Variants in EDA observed in about 807,000 individuals in gnomAD.
The protein encoded by EDA is ectodysplasin-A.
EDA carries 2 observed loss-of-function variants against 23.6 expected under a neutral mutation model. The ratio of observed to expected loss-of-function variants is 0.08; its 90% CI spans 0.03 to 0.27. The LOEUF (loss-of-function observed/expected upper bound fraction) is 0.27. Ranked by LOEUF, EDA falls within the 10% of genes least tolerant of loss-of-function variation. The probability of loss-of-function intolerance (pLI) is 1.00; values close to 1 mark genes in which losing one functional copy is unlikely to be tolerated. For synonymous variants in EDA, 131 were observed against 132.0 expected (o/e 0.99, Z 0.05); for missense variants, 229 against 324.2 (o/e 0.71, Z 2.26).
At chrX:69,934,897 TTCTA>T (rs1238814824) in intron 1 of EDA, among the ~76,000 whole-genome samples, 2 of 111,558 alleles carry the variant, frequency 1.8e-5, no homozygotes, top group African/African-American at 6.5e-5. Flanking sequence ...ATCTTATTCA[TTCTA>T]TCTAACTATA....
chrX:70,004,852 A>G (rs1441956173), intron 2 of EDA, among the ~76,000 whole-genome samples: 2 of 112,300 alleles, frequency 1.8e-5, no homozygotes, highest in Non-Finnish European at 3.8e-5. Context: ...AATCCCAGAG[A>G]GGCCAACGAA....
At chrX:69,735,246 G>A (rs765975649) in intron 1 of EDA, among the ~76,000 whole-genome samples, 39 of 108,142 alleles carry the variant, frequency 3.6e-4, no homozygotes, top group Admixed American at 5.9e-4. Context: ...TTTTGTATGT[G>A]TATATACACA....
rs1934392512 is a variant in EDA at position 69,682,365 on chromosome X, G to T, written c.396+65661G>T. 3.5e-5 allele frequency among the ~76,000 whole-genome samples: 4 copies of T among 112,748 alleles called. No homozygotes were observed. In the Admixed American group the frequency reaches 3.7e-4, roughly 10 times the overall value. ...GGGCTCCACCCAGTTGGAGCTTCCA[G>T]TCTGCTTTGTTCACCTAAGCAAGCC... is the stretch of plus-strand genomic sequence containing the variant. On this transcript the variant is annotated intron_variant, in intron 1 of 7. Coordinates refer to ENST00000374552, the MANE Select transcript of EDA (RefSeq NM_001399.5).
intron 1 of EDA, among the ~76,000 whole-genome samples, chrX:69,697,841 C>CT (rs1401353901): frequency 7.1e-5 from 8 of 112,111 alleles, no homozygotes; most frequent in Non-Finnish European, 9.4e-5. Flanking sequence ...TCTAGAACTG[C>CT]TTTTTTGTTA....
intron 1 of EDA, among the ~76,000 whole-genome samples, chrX:69,785,002 C>T (rs1217908356): frequency 9.2e-6 from 1 of 109,201 alleles, no homozygotes; most frequent in East Asian, 2.8e-4. Flanking sequence ...TGAAGAGGTC[C>T]TTCACATCCC....
intron 2 of EDA, among the ~76,000 whole-genome samples, chrX:69,998,291 G>A (rs2019690471): frequency 8.9e-6 from 1 of 112,486 alleles, no homozygotes; most frequent in African/African-American, 3.2e-5. Context: ...GATCATTTCG[G>A]TACTTTAAGA....
intron 1 of EDA, among the ~76,000 whole-genome samples, chrX:69,821,411 A>G (rs1424153607): frequency 9.0e-6 from 1 of 111,560 alleles, no homozygotes; most frequent in Non-Finnish European, 1.9e-5. Flanking sequence ...ATAAAAGCTG[A>G]AGAAAAAAAA....
intron 1 of EDA, among the ~76,000 whole-genome samples, chrX:69,750,765 A>G (rs951308265): frequency 1.8e-5 from 2 of 111,968 alleles, no homozygotes; most frequent in East Asian, 2.8e-4. Context: ...GCATTTCTCT[A>G]ATGGCCAGTG....
chrX:69,616,840 CA>C, intron 1 of EDA, 136 bp downstream of exon 1: 2 of 889,831 alleles, frequency 2.2e-6, no homozygotes, highest in Non-Finnish European at 1.6e-6. Context: ...ACCAGGCGAG[CA>C]AGGGAGAAGT....
rs760743681 is a variant in EDA, at chrX:69,782,733, TA to T, written c.396+166034del. Among the ~76,000 whole-genome samples the T allele has an allele frequency of 1.6e-4, 18 of 111,927 alleles. 1 individual carries two copies. The South Asian group carries it at 6.7e-3, about 42-fold the overall frequency. On this transcript the variant is annotated intron_variant, in intron 1 of 7. Coordinates refer to ENST00000374552, the MANE Select transcript of EDA (RefSeq NM_001399.5). ...GGCTTCTCTGTTGTAAATTAACTGG[TA>T]AAAAGATCTTTGAAGCCAACCAAGG...
At chrX:69,626,056 A>G (rs892833657) in intron 1 of EDA, among the ~76,000 whole-genome samples, 2 of 111,749 alleles carry the variant, frequency 1.8e-5, no homozygotes, top group African/African-American at 6.5e-5. Flanking sequence ...AAATAAATAC[A>G]TGAAAACATG....
intron 1 of EDA, among the ~76,000 whole-genome samples, chrX:69,684,183 A>T (rs189137995): frequency 4.5e-5 from 5 of 112,131 alleles, no homozygotes; most frequent in African/African-American, 1.6e-4. Flanking sequence ...TTTAATCATG[A>T]TTATCATATT....
In EDA at chrX:69,860,726, G is replaced by A. The variant is rs2017364803; in HGVS notation, c.397-96301G>A. 7 of 501,534 alleles carry A rather than the reference G, an allele frequency of 1.4e-5. No individual in the cohort carries two copies. In the South Asian group the frequency reaches 1.8e-4, roughly 13 times the overall value. 41.3% of individuals were successfully genotyped at this position (501,534 alleles called of 1,213,427 possible). Reference sequence around the variant, plus strand: ...GTCTTGGGGTCGACCTTCTCAAAGAGTATCTTCTTGGGGTTCTCTGCATTT... The same window carrying A: ...GTCTTGGGGTCGACCTTCTCAAAGAATATCTTCTTGGGGTTCTCTGCATTT... On this transcript the variant is annotated intron_variant, in intron 1 of 7. Coordinates refer to ENST00000374552, the MANE Select transcript of EDA (RefSeq NM_001399.5).
intron 1 of EDA, among the ~76,000 whole-genome samples, chrX:69,722,635 C>G (rs1434946731): frequency 9.0e-6 from 1 of 111,314 alleles, no homozygotes; most frequent in East Asian, 2.8e-4. Context: ...GAATCTTGGC[C>G]TTTTGGGTGT....
At chrX:69,830,682 G>T (rs5936769) in intron 1 of EDA, among the ~76,000 whole-genome samples, 6,741 of 111,892 alleles carry the variant, frequency 0.06, 203 homozygotes, top group Middle Eastern at 0.088. Context: ...TCATGGAAAC[G>T]CTTGAAATTG....
intron 1 of EDA, among the ~76,000 whole-genome samples, chrX:69,734,263 T>G (rs187010390): frequency 4.3e-3 from 481 of 111,438 alleles, no homozygotes; most frequent in Non-Finnish European, 6.5e-3. Flanking sequence ...TCTTTTAAAT[T>G]TCTGTGGGGT....
chrX:69,703,575 A>G (rs183048583), intron 1 of EDA, among the ~76,000 whole-genome samples: 244 of 112,485 alleles, frequency 2.2e-3, no homozygotes, highest in African/African-American at 7.6e-3. Flanking sequence ...GTCAGCACCA[A>G]ATGAGGCCAG....
At chrX:69,709,594 C>T (rs922626154) in intron 1 of EDA, among the ~76,000 whole-genome samples, 1 of 111,626 alleles carries the variant, frequency 9.0e-6, no homozygotes, top group Admixed American at 9.5e-5. Context: ...GGAGGGTGAA[C>T]GAGTTTTTTT....
intron 2 of EDA, among the ~76,000 whole-genome samples, chrX:69,981,462 C>G (rs2019406535): frequency 1.8e-5 from 2 of 110,852 alleles, no homozygotes; most frequent in South Asian, 7.7e-4. Flanking sequence ...ATTATAATAT[C>G]AAGATGAGAT....
Sources: gnomAD v4.1 joint callset for allele counts (sites outside exome capture counted in the v4.1 genomes callset) on GRCh38, gnomAD v4.1.1 for gene constraint, MANE v1.5 for transcripts, NCBI Gene and HGNC (gene_info 2026-07-23, HGNC 2026-07-21) for gene names.